Variants in ZNF469 observed in about 807,000 individuals in gnomAD.
ZNF469 encodes zinc finger protein 469.
In ZNF469, 1 loss-of-function variant was observed where a neutral mutation model predicts 1.0. The observed-to-expected ratio is 1.00, with a 90% CI of 0.35 to 4.73. The LOEUF (loss-of-function observed/expected upper bound fraction) is 4.73, where lower values mean the gene tolerates loss of function less well. Ranked by LOEUF, ZNF469 falls within the 30% of genes most tolerant of loss-of-function variation. ZNF469 has a pLI of 0.16. For synonymous variants in ZNF469, 2,703 were observed against 2,363.4 expected (o/e 1.14, Z -4.17); for missense variants, 6,100 against 5,356.3 (o/e 1.14, Z -4.33).
rs966125186 is a variant in ZNF469 at position 88,438,080 on chromosome 16, C to T, written c.10610C>T (p.Pro3537Leu). ...AGGCCTGTAGACCCCGTGACCCACC[C>T]GATCAGAGGTTGTGAGCTGCCATCC... Reference protein sequence around the residue: ...LERPVDPVTHPIRGCELPSNH... With the variant: ...LERPVDPVTHLIRGCELPSNH... Residue 3537 changes from proline (P) to leucine (L), a missense_variant, in exon 3 of 3, where the codon CCG (proline) becomes CTG (leucine). Transcript: ENST00000565624. 7.7e-6 allele frequency: 12 copies of T among 1,550,412 alleles called. No homozygotes were observed. Among genetic ancestry groups the T allele is most frequent in the South Asian group, 3.6e-5 (3 of 84,070 alleles).
the ZNF469 span, among the ~76,000 whole-genome samples, chr16:88,147,957 T>A: frequency 5.9e-5 from 9 of 152,048 alleles, no homozygotes; most frequent in Admixed American, 5.9e-4. Context: ...ACACCAGCGG[T>A]CACCTGTCTT....
the ZNF469 span, among the ~76,000 whole-genome samples, chr16:88,172,971 G>T: frequency 2.6e-5 from 4 of 152,336 alleles, 1 homozygote; most frequent in Admixed American, 2.6e-4. Context: ...CTGGTGACCT[G>T]TGGGATAATA....
chr16:88,430,966 G>C lies in ZNF469; in HGVS notation c.3496G>C (p.Gly1166Arg). 6.5e-7 allele frequency: 1 copy of C among 1,537,100 alleles called. No homozygotes were observed. The highest frequency in any genetic ancestry group is 1.2e-5 in the South Asian group (1 of 83,862). ...EEPGGSRPGP[G>R]RSPQARGPSR... ...GCCGGGCGGGTCTCGCCCGGGCCCCGGCAGGAGCCCTCAGGCCCGTGGCCC... is the reference window on the plus strand; with the variant it reads ...GCCGGGCGGGTCTCGCCCGGGCCCCCGCAGGAGCCCTCAGGCCCGTGGCCC... The change falls in exon 3 of 3, where the codon GGC (glycine) becomes CGC (arginine). Residue 1166 changes from glycine to arginine, a missense_variant. Transcript: ENST00000565624.
At chr16:88,152,006 C>T in the ZNF469 span, among the ~76,000 whole-genome samples, 87 of 152,302 alleles carry the variant, frequency 5.7e-4, no homozygotes, top group African/African-American at 2.1e-3. This position sits in a 1 kb window ranked among gnomAD's most constrained non-coding sequence, Gnocchi z 4.2. Flanking sequence ...ATACTCCCTT[C>T]TTACACAGAA....
the ZNF469 span, among the ~76,000 whole-genome samples, chr16:88,115,679 G>T: frequency 6.7e-6 from 1 of 149,714 alleles, no homozygotes; most frequent in Non-Finnish European, 1.5e-5. Flanking sequence ...GAGGCTCTGG[G>T]CCCTTCCATC....
intron 1 of ZNF469, among the ~76,000 whole-genome samples, chr16:88,405,642 A>G (rs924683481): frequency 6.6e-6 from 1 of 152,220 alleles, no homozygotes; most frequent in African/African-American, 2.4e-5. Flanking sequence ...CCATGAGAGC[A>G]GAGCAGAGGG....
At chr16:88,367,951 G>C in the ZNF469 span, among the ~76,000 whole-genome samples, 10 of 152,172 alleles carry the variant, frequency 6.6e-5, no homozygotes, top group Non-Finnish European at 1.0e-4. Context: ...ACAGAGACCC[G>C]CATTCTTATC....
Position 88,438,274 on chromosome 16 carries a change from C to T in ZNF469, c.10804C>T (p.Pro3602Ser), listed in dbSNP as rs1487074234. Residue 3602 changes from proline (P) to serine (S), a missense_variant, in exon 3 of 3, where the codon CCG (proline) becomes TCG (serine). Physicochemically the swap from Pro to Ser is moderately conservative, Grantham distance 74. Transcript: ENST00000565624. The part of the protein sequence containing the change: ...QQALPLGASL[P>S]RPGARGQDAE... The stretch of plus-strand genomic sequence containing the variant: ...AGCTCTCCCTCTGGGGGCATCTCTG[C>T]CGCGGCCGGGAGCCAGAGGCCAAGA... 1.3e-6 allele frequency: 2 copies of T among 1,548,352 alleles called. No homozygotes were observed. Among genetic ancestry groups the T allele is most frequent in the Non-Finnish European group, 8.7e-7 (1 of 1,145,552 alleles).
At position 88,435,976 on chromosome 16, in the gene ZNF469, G is replaced by A; in HGVS notation, c.8506G>A (p.Gly2836Ser). Residue 2836 changes from glycine to serine, a missense_variant, in exon 3 of 3, where the codon GGC (glycine) becomes AGC (serine). By Grantham distance (56) the Gly-to-Ser change is moderately conservative. Coordinates refer to ENST00000565624, the MANE Select transcript of ZNF469 (RefSeq NM_001367624.2). ...DTQGGVQGPE[G>S]PTPDASGSSA... ...CCAGGGTGGAGTCCAGGGGCCTGAA[G>A]GCCCCACTCCTGATGCCTCTGGCTC... The A allele has an allele frequency of 6.5e-7, 1 of 1,549,968 alleles. No homozygotes were observed. The highest frequency in any genetic ancestry group is 1.2e-5 in the South Asian group (1 of 84,068).
At chr16:88,210,819 C>A in the ZNF469 span, among the ~76,000 whole-genome samples, 1 of 152,192 alleles carries the variant, frequency 6.6e-6, no homozygotes, top group South Asian at 2.1e-4. Context: ...TCTCTAGAAG[C>A]TTTTTAGTGT....
chr16:88,384,691 G>T (rs2092533441), intron 1 of ZNF469, among the ~76,000 whole-genome samples: 1 of 152,230 alleles, frequency 6.6e-6, no homozygotes, highest in African/African-American at 2.4e-5. Context: ...CAGAGTCTCA[G>T]CTTGGGAGGC....
At chr16:88,340,785 A>G in the ZNF469 span, among the ~76,000 whole-genome samples, 32,384 of 149,996 alleles carry the variant, frequency 0.22, 4,495 homozygotes, top group African/African-American at 0.39. Context: ...GGGGCAGAGG[A>G]GAGGGAGAGG....
chr16:88,222,945 G>A, the ZNF469 span, among the ~76,000 whole-genome samples: 1 of 152,212 alleles, frequency 6.6e-6, no homozygotes, highest in Non-Finnish European at 1.5e-5. Flanking sequence ...ACAGCACCCA[G>A]CACCTGGGTT....
chr16:88,198,378 C>T, the ZNF469 span, among the ~76,000 whole-genome samples: 2 of 152,174 alleles, frequency 1.3e-5, no homozygotes, highest in African/African-American at 4.8e-5. Context: ...GTGTTAAAGC[C>T]TCCTCCGGTG....
chr16:88,408,176 G>C (rs1399372171), intron 1 of ZNF469, among the ~76,000 whole-genome samples: 1 of 152,084 alleles, frequency 6.6e-6, no homozygotes, highest in African/African-American at 2.4e-5. Flanking sequence ...TTTTTGCAAA[G>C]GAGTCTCACT....
At chr16:88,313,941 G>C in the ZNF469 span, among the ~76,000 whole-genome samples, 3 of 149,562 alleles carry the variant, frequency 2.0e-5, no homozygotes, top group African/African-American at 4.9e-5. Flanking sequence ...GATGTGGGCT[G>C]TCTCTGTAAT....
the ZNF469 span, among the ~76,000 whole-genome samples, chr16:88,261,758 C>A: frequency 9.2e-5 from 14 of 152,184 alleles, no homozygotes; most frequent in Non-Finnish European, 1.6e-4. The surrounding 1 kb of genome is among the most constrained non-coding windows in gnomAD (Gnocchi z 6.0). Context: ...CCTCGGTTAA[C>A]TCCCCTTCCC....
At chr16:88,262,424 G>A in the ZNF469 span, among the ~76,000 whole-genome samples, 2 of 152,184 alleles carry the variant, frequency 1.3e-5, no homozygotes, top group African/African-American at 2.4e-5. The surrounding 1 kb of genome is among the most constrained non-coding windows in gnomAD (Gnocchi z 4.3). Flanking sequence ...AAGTGGCTGG[G>A]CTTTGGTGGA....
rs778048230 is a variant in ZNF469 at position 88,432,333 on chromosome 16, G to A, written c.4863G>A (p.Thr1621=). The part of the protein sequence containing the change: ...TCQATVPHED[T]FSAADLTRVG... ...AGGCCACCGTGCCCCACGAGGACAC[G>A]TTCTCGGCAGCTGACCTCACGCGCG... is the stretch of plus-strand genomic sequence containing the variant. Residue 1621 remains threonine (T), a synonymous_variant, in exon 3 of 3, where the codon ACG becomes ACA. Transcript: ENST00000565624. 116 of 1,548,200 alleles carry A rather than the reference G, an allele frequency of 7.5e-5. 1 individual carries two copies. The highest frequency in any genetic ancestry group is 4.5e-4 in the Admixed American group (23 of 51,002).
Sources: allele counts gnomAD v4.1 joint callset (sites outside exome capture counted in the v4.1 genomes callset), GRCh38; gene constraint gnomAD v4.1.1; non-coding constraint Gnocchi (gnomAD v3.1); transcripts MANE v1.5; gene names NCBI Gene and HGNC (gene_info 2026-07-23, HGNC 2026-07-21).